The following MAS1 variants were observed in gnomAD, a reference collection of about 807,000 sequenced individuals.
The protein encoded by MAS1 is proto-oncogene Mas.
For synonymous variants in MAS1, 163 were observed against 164.2 expected, an observed-to-expected ratio of 0.99 and a Z score of 0.05; for missense variants, 387 against 409.7, an observed-to-expected ratio of 0.94 and a Z score of 0.48.
In MAS1 at chr6:159,909,358, T is replaced by G. The variant is rs1782938980; in HGVS notation, c.*1425T>G. On this transcript the variant is annotated 3_prime_UTR_variant, in exon 3 of 3. Transcript: ENST00000674077. ...CTTTAAAAGGTCAGAGAGGCAGTGA[T>G]GTAATTGTTCTCTGTTGCTGCTTGT... The G allele has an allele frequency of 6.6e-6, 1 of 152,250 alleles. No homozygotes were observed. Among genetic ancestry groups the G allele is most frequent in the South Asian group, 2.1e-4 (1 of 4,838 alleles). The allele number at this position is 152,250 out of a possible 1,614,324, so 9.4% of individuals were successfully genotyped here.
At position 159,913,832 on chromosome 6, in the gene MAS1, AT is replaced by A. The variant is rs1782991718; in HGVS notation, c.*5900del. 1 of 152,376 alleles carries A rather than the reference AT, an allele frequency of 6.6e-6. No individual in the cohort carries two copies. Among genetic ancestry groups the A allele is most frequent in the East Asian group, 1.9e-4 (1 of 5,194 alleles). 9.4% of individuals were successfully genotyped at this position (152,376 alleles called of 1,614,324 possible). On this transcript the variant is annotated 3_prime_UTR_variant, in exon 3 of 3. Transcript: ENST00000674077. Reference sequence around the variant, plus strand: ...AATTTCACTTTTTTCATGATTTTCTATGAAATTTTGGTCCTCATTTTAACAA... The same window carrying A: ...AATTTCACTTTTTTCATGATTTTCTAGAAATTTTGGTCCTCATTTTAACAA...
At chr6:159,892,247 C>G (rs895976858) in intron 1 of MAS1, among the ~76,000 whole-genome samples, 59 of 152,254 alleles carry the variant, frequency 3.9e-4, no homozygotes, top group African/African-American at 1.4e-3. Flanking sequence ...CATGGAAATT[C>G]CATCTCACAA....
chr6:159,904,666 C>T (rs892727750), intron 2 of MAS1, among the ~76,000 whole-genome samples: 1 of 152,200 alleles, frequency 6.6e-6, no homozygotes, highest in Non-Finnish European at 1.5e-5. Context: ...AGGCTGTTCA[C>T]GCCTCAGTCC....
chr6:159,907,919 G>A lies in MAS1; in HGVS notation c.964G>A (p.Glu322Lys), dbSNP rs1782917217. ...QKDNCNTVTV[E>K]TVV ...AGACAATTGTAATACGGTCACAGTT[G>A]AGACTGTCGTCTAAGAACTGTGAGG... Residue 322 changes from glutamate to lysine, a missense_variant, in exon 3 of 3, where the codon GAG (glutamate) becomes AAG (lysine). Transcript: ENST00000674077. 2 of 1,596,174 alleles carry A rather than the reference G, an allele frequency of 1.3e-6. No individual in the cohort carries two copies. Among genetic ancestry groups the A allele is most frequent in the Non-Finnish European group, 1.7e-6 (2 of 1,171,238 alleles).
chr6:159,896,504 C>T (rs1461367910), intron 1 of MAS1, among the ~76,000 whole-genome samples: 3 of 152,122 alleles, frequency 2.0e-5, no homozygotes, highest in Admixed American at 2.0e-4. Flanking sequence ...TGAACAAAGA[C>T]CAATGGAATA....
At chr6:159,898,513 C>CCTT (rs1443315522) in intron 1 of MAS1, among the ~76,000 whole-genome samples, 5 of 144,648 alleles carry the variant, frequency 3.5e-5, no homozygotes, top group Non-Finnish European at 7.6e-5. Flanking sequence ...TCCTCCTCCT[C>CCTT]CTCCTCCTTC....
chr6:159,907,876 G>A lies in MAS1; in HGVS notation c.921G>A (p.Met307Ile). The A allele has an allele frequency of 6.2e-7, 1 of 1,611,088 alleles. No homozygotes were observed. Among genetic ancestry groups the A allele is most frequent in the Non-Finnish European group, 8.5e-7 (1 of 1,179,434 alleles). The change falls in exon 3 of 3, where the codon ATG becomes ATA. Residue 307 changes from methionine to isoleucine, a missense_variant. By Grantham distance (10) the Met-to-Ile change is conservative (BLOSUM62 1). Coordinates refer to ENST00000674077, the MANE Select transcript of MAS1 (RefSeq NM_002377.4). The part of the protein sequence containing the change: ...VVLTRAFKDE[M>I]QPRRQKDNCN... ...TGACCAGGGCTTTCAAAGATGAAAT[G>A]CAACCTCGGCGCCAGAAAGACAATT...
intron 2 of MAS1, among the ~76,000 whole-genome samples, chr6:159,906,408 C>G (rs2115117702): frequency 6.6e-6 from 1 of 152,358 alleles, no homozygotes; most frequent in East Asian, 1.9e-4. Context: ...CAGGCACTCC[C>G]TCTCCTTACT....
At chr6:159,902,932 C>T (rs1782839223) in intron 2 of MAS1, among the ~76,000 whole-genome samples, 1 of 152,176 alleles carries the variant, frequency 6.6e-6, no homozygotes, top group South Asian at 2.1e-4. Flanking sequence ...ATAATTCTTC[C>T]AGCCCTGTGG....
At chr6:159,894,587 C>T (rs528849710) in intron 1 of MAS1, among the ~76,000 whole-genome samples, 3 of 152,084 alleles carry the variant, frequency 2.0e-5, no homozygotes, top group East Asian at 1.9e-4. Flanking sequence ...AGACAAGAGG[C>T]GAGGAGACGT....
rs1178783478 is a variant in MAS1, at chr6:159,908,524, C to CACAG, written c.*594_*595insGACA. On this transcript the variant is annotated 3_prime_UTR_variant, in exon 3 of 3. Coordinates refer to ENST00000674077, the MANE Select transcript of MAS1 (RefSeq NM_002377.4). ...GTTTTGTAAAGCACACACACACACA[C>CACAG]ACACACACACACACACACACAGCTC... 1.3e-5 allele frequency: 2 copies of CACAG among 151,194 alleles called. No individual in the cohort carries two copies. The highest frequency in any genetic ancestry group is 2.5e-5 in the African/African-American group (1 of 40,774). 9.4% of individuals were successfully genotyped at this position (151,194 alleles called of 1,614,324 possible).
chr6:159,915,527 T>G lies in MAS1; in HGVS notation c.*7594T>G, dbSNP rs1437147912. 6.6e-6 allele frequency: 1 copy of G among 152,254 alleles called. No individual in the cohort carries two copies. The highest frequency in any genetic ancestry group is 2.4e-5 in the African/African-American group (1 of 41,466). The allele number at this position is 152,254 out of a possible 1,614,324, so 9.4% of individuals were successfully genotyped here. ...GGGAAGGAGTGATTTGCAGGCTTCA[T>G]GCTGACATTACCTGTATGGTACATT... On this transcript the variant is annotated 3_prime_UTR_variant, in exon 3 of 3. Coordinates refer to ENST00000674077, the MANE Select transcript of MAS1 (RefSeq NM_002377.4).
At chr6:159,901,232 A>C (rs976737821) in intron 2 of MAS1, among the ~76,000 whole-genome samples, 5 of 152,218 alleles carry the variant, frequency 3.3e-5, no homozygotes, top group Non-Finnish European at 7.3e-5. Context: ...CCTATCACCG[A>C]ATAGAGTCAC....
intron 1 of MAS1, among the ~76,000 whole-genome samples, chr6:159,891,758 C>T (rs1370249405): frequency 2.0e-5 from 3 of 152,166 alleles, no homozygotes; most frequent in Non-Finnish European, 4.4e-5. Flanking sequence ...GTCTTAGCAA[C>T]ACTTCCCAGC....
At chr6:159,896,321 A>C (rs34893920) in intron 1 of MAS1, among the ~76,000 whole-genome samples, 19 of 152,154 alleles carry the variant, frequency 1.2e-4, no homozygotes, top group African/African-American at 4.3e-4. Context: ...AAATAAATAA[A>C]CAAATAAATC....
chr6:159,905,107 G>A (rs1782869462), intron 2 of MAS1, among the ~76,000 whole-genome samples: 2 of 152,130 alleles, frequency 1.3e-5, no homozygotes, highest in South Asian at 4.1e-4. Context: ...TTTGATTGTT[G>A]TTGCTGTTAT....
At chr6:159,901,192 T>C (rs1033059167) in intron 2 of MAS1, among the ~76,000 whole-genome samples, 3 of 152,196 alleles carry the variant, frequency 2.0e-5, no homozygotes, top group African/African-American at 7.2e-5. Context: ...CTTAGGACCT[T>C]ATTTAGCCAT....
chr6:159,892,386 C>G (rs552040470), intron 1 of MAS1, among the ~76,000 whole-genome samples: 52 of 152,242 alleles, frequency 3.4e-4, no homozygotes, highest in Non-Finnish European at 7.1e-4. Flanking sequence ...GAACAACAGG[C>G]GCTTTCAGAT....
chr6:159,895,962 C>T (rs919509994), intron 1 of MAS1, among the ~76,000 whole-genome samples: 8 of 152,086 alleles, frequency 5.3e-5, no homozygotes, highest in South Asian at 2.1e-4. Context: ...TTAAAAATAG[C>T]GGTGAAAAAT....
Sources: gnomAD v4.1 joint callset for allele counts (sites outside exome capture counted in the v4.1 genomes callset) on GRCh38, gnomAD v4.1.1 for gene constraint, MANE v1.5 for transcripts, NCBI Gene and HGNC (gene_info 2026-07-23, HGNC 2026-07-21) for gene names.